CD6: variants seen among roughly 807,000 people sequenced by gnomAD.
CD6 encodes the protein T-cell differentiation antigen CD6.
CD6 carries 53 observed loss-of-function variants against 75.3 expected under a neutral mutation model. That is an observed-to-expected ratio of 0.70 (90% CI 0.56 to 0.88). The LOEUF (loss-of-function observed/expected upper bound fraction) is 0.88. CD6 is among the 40% of genes least tolerant of loss of function. The pLI is 0.00. For missense variants in CD6, 770 were observed against 897.1 expected (o/e 0.86, Z 1.81); for synonymous variants, 359 against 381.5 (o/e 0.94, Z 0.69).
At chr11:60,982,933 G>A (rs1034465590) in intron 1 of CD6, among the ~76,000 whole-genome samples, 2 of 149,906 alleles carry the variant, frequency 1.3e-5, no homozygotes, top group African/African-American at 2.5e-5. Flanking sequence ...CCCACCCCTA[G>A]AGAGAATGCG....
At chr11:61,009,342 C>T (rs1859029966) in intron 4 of CD6, among the ~76,000 whole-genome samples, 1 of 152,204 alleles carries the variant, frequency 6.6e-6, no homozygotes, top group Non-Finnish European at 1.5e-5. Flanking sequence ...GCGTTTCTAA[C>T]AAGATCCCAG....
At chr11:61,003,942 C>A (rs938870341) in intron 1 of CD6, among the ~76,000 whole-genome samples, 4 of 150,684 alleles carry the variant, frequency 2.7e-5, no homozygotes, top group Non-Finnish European at 5.9e-5. Context: ...CGAGGTTATC[C>A]GCTTTCAACC....
chr11:61,018,733 G>A (rs983400037), intron 12 of CD6: 14 of 316,458 alleles, frequency 4.4e-5, no homozygotes, highest in Admixed American at 2.1e-4. Context: ...TGGGAGGATC[G>A]TGTGAGCCCA....
chr11:60,999,502 G>A (rs868491109), intron 1 of CD6, among the ~76,000 whole-genome samples: 21 of 151,668 alleles, frequency 1.4e-4, no homozygotes, highest in South Asian at 6.3e-4. Flanking sequence ...GGGGGGTGAG[G>A]ACGGGGACTG....
At chr11:61,005,212 C>T (rs1858790054) in intron 1 of CD6, among the ~76,000 whole-genome samples, 1 of 152,194 alleles carries the variant, frequency 6.6e-6, no homozygotes, top group South Asian at 2.1e-4. Context: ...AAGGGTAATG[C>T]AGTAAGTAGA....
At chr11:60,992,134 C>T (rs906400791) in intron 1 of CD6, among the ~76,000 whole-genome samples, 17 of 152,124 alleles carry the variant, frequency 1.1e-4, no homozygotes, top group African/African-American at 3.9e-4. Context: ...CCCACCTTGG[C>T]CTCCCAAAGT....
intron 1 of CD6, among the ~76,000 whole-genome samples, chr11:60,997,276 G>A (rs1465188400): frequency 6.6e-6 from 1 of 151,770 alleles, no homozygotes; most frequent in Non-Finnish European, 1.5e-5. Flanking sequence ...TACTCAGGGC[G>A]CTGAGGCAGG....
chr11:61,011,157 GC>G (rs1565159083), intron 6 of CD6, 22 bp downstream of exon 6: 1 of 1,584,694 alleles, frequency 6.3e-7, no homozygotes, highest in Admixed American at 1.7e-5. Context: ...TGGGTACTAC[GC>G]GGTTTCTCAG....
chr11:61,007,617 A>T lies in CD6; in HGVS notation c.176A>T (p.Glu59Val). The change falls in exon 3 of 13, where the codon GAG becomes GTG. Residue 59 changes from glutamate to valine, a missense_variant. Transcript: ENST00000313421. This position sits in a 1 kb window ranked among gnomAD's most constrained non-coding sequence, Gnocchi z 4.2. The part of the protein sequence containing the change: ...NGSSSCSGTV[E>V]VRLEASWEPA... ...AGCAGCAGCTGCAGCGGGACGGTGGAGGTGCGGCTCGAGGCGTCCTGGGAG... is the reference window on the plus strand; with the variant it reads ...AGCAGCAGCTGCAGCGGGACGGTGGTGGTGCGGCTCGAGGCGTCCTGGGAG... 1 of 1,496,784 alleles carries T rather than the reference A, an allele frequency of 6.7e-7. No individual in the cohort carries two copies. The highest frequency in any genetic ancestry group is 1.5e-5 in the African/African-American group (1 of 68,670). The allele number at this position is 1,496,784 out of a possible 1,614,324, so 92.7% of individuals were successfully genotyped here.
chr11:60,973,313 G>A (rs182433074), intron 1 of CD6, among the ~76,000 whole-genome samples: 5 of 152,280 alleles, frequency 3.3e-5, no homozygotes, highest in Admixed American at 3.3e-4. Context: ...CCAGAGACCT[G>A]GGCAGAGCTC....
intron 1 of CD6, 50 bp from the exon 2 acceptor site, chr11:61,006,524 C>T (rs1858866414): frequency 6.7e-7 from 1 of 1,488,854 alleles, no homozygotes; most frequent in Non-Finnish European, 9.2e-7. Flanking sequence ...TCTCTGTGGT[C>T]TCCAGGCCTG....
chr11:61,004,211 C>T (rs566040941), intron 1 of CD6, among the ~76,000 whole-genome samples: 86 of 152,242 alleles, frequency 5.6e-4, no homozygotes, highest in Non-Finnish European at 1.1e-3. Flanking sequence ...ATCACATATG[C>T]ACACAGTCCC....
At chr11:60,994,457 C>CAAAAAAAAAA (rs61349237) in intron 1 of CD6, among the ~76,000 whole-genome samples, 736 of 52,700 alleles carry the variant, frequency 0.014, 52 homozygotes, top group East Asian at 0.064. Flanking sequence ...ACACCCCCGC[C>CAAAAAAAAAA]AAAAAAAAAA....
intron 1 of CD6, among the ~76,000 whole-genome samples, chr11:60,997,778 A>G (rs1376119762): frequency 6.6e-6 from 1 of 152,218 alleles, no homozygotes; most frequent in Non-Finnish European, 1.5e-5. Context: ...TTAAAATTAA[A>G]TGGAAAACAT....
chr11:60,996,664 G>T (rs1590695715), intron 1 of CD6, among the ~76,000 whole-genome samples: 1 of 152,200 alleles, frequency 6.6e-6, no homozygotes. Flanking sequence ...CTCTCCCAAG[G>T]TTCGGGGACA....
chr11:61,010,524 A>C (rs539766705), intron 5 of CD6, among the ~76,000 whole-genome samples: 1 of 152,222 alleles, frequency 6.6e-6, no homozygotes, highest in Non-Finnish European at 1.5e-5. Flanking sequence ...TTCTTACGGC[A>C]TTCAGACACC....
rs1204891459 is a variant in CD6 at position 61,017,203 on chromosome 11, T to C, written c.1511-276T>C. 5 of 477,706 alleles carry C rather than the reference T, an allele frequency of 1.0e-5. No homozygotes were observed. In the Admixed American group the frequency reaches 1.7e-4, roughly 16 times the overall value. The allele number at this position is 477,706 out of a possible 1,614,324, so 29.6% of individuals were successfully genotyped here. A position where few individuals can be genotyped will look rare whatever the true frequency, so the allele number is the denominator to read the frequency against. ...ACAAGGACAGAACCAAGACTCTTGATACCTCTCTAAGTAGCAGGAGGGACA... is the reference window on the plus strand; with the variant it reads ...ACAAGGACAGAACCAAGACTCTTGACACCTCTCTAAGTAGCAGGAGGGACA... On this transcript the variant is annotated intron_variant, in intron 9 of 12. Transcript: ENST00000313421.
chr11:60,992,462 G>T (rs1369575587), intron 1 of CD6, among the ~76,000 whole-genome samples: 1 of 152,110 alleles, frequency 6.6e-6, no homozygotes, highest in African/African-American at 2.4e-5. Context: ...TCAATCCAGT[G>T]TTCTTTCTGA....
At chr11:61,005,340 C>G (rs1342332358) in intron 1 of CD6, among the ~76,000 whole-genome samples, 2 of 152,162 alleles carry the variant, frequency 1.3e-5, no homozygotes, top group Admixed American at 6.6e-5. Flanking sequence ...ATGAGGGACA[C>G]AGCCTACCCG....
Sources: gnomAD v4.1 joint callset for allele counts (sites outside exome capture counted in the v4.1 genomes callset) on GRCh38, gnomAD v4.1.1 for gene constraint, Gnocchi (gnomAD v3.1) non-coding constraint, MANE v1.5 for transcripts, NCBI Gene and HGNC (gene_info 2026-07-23, HGNC 2026-07-21) for gene names.